Variants in ROBO2 observed in about 807,000 individuals in gnomAD.
ROBO2 encodes roundabout homolog 2.
In ROBO2, 53 loss-of-function variants were observed where a neutral mutation model predicts 160.8. The ratio of observed to expected loss-of-function variants is 0.33; its 90% CI spans 0.26 to 0.41. The LOEUF is 0.41. Among genes scored for constraint, ROBO2 ranks in the 10% least tolerant of loss-of-function variants. ROBO2 has a pLI of 1.00. For synonymous variants in ROBO2, 664 were observed against 611.7 expected (o/e 1.09, Z -1.26); for missense variants, 1,577 against 1,722.4 (o/e 0.92, Z 1.49).
intron 2 of ROBO2, among the ~76,000 whole-genome samples, chr3:77,384,790 G>A (rs6548504): frequency 0.27 from 40,899 of 152,078 alleles, 5,825 homozygotes; most frequent in Non-Finnish European, 0.31. Context: ...TTGTGTTAAT[G>A]AGAATTTAAA....
chr3:77,643,092 G>C (rs1276427525), intron 24 of ROBO2, 149 bp downstream of exon 26: 1 of 374,490 alleles, frequency 2.7e-6, no homozygotes, highest in Non-Finnish European at 5.3e-6. Flanking sequence ...GATTTTACCA[G>C]TACATGCCTT....
At chr3:77,273,331 C>T (rs1192109621) in intron 2 of ROBO2, among the ~76,000 whole-genome samples, 1 of 152,162 alleles carries the variant, frequency 6.6e-6, no homozygotes, top group Non-Finnish European at 1.5e-5. Flanking sequence ...CTAAATGCCA[C>T]ATGTTCTCAC....
chr3:77,288,757 A>T (rs901682392), intron 2 of ROBO2, among the ~76,000 whole-genome samples: 1 of 152,078 alleles, frequency 6.6e-6, no homozygotes, highest in African/African-American at 2.4e-5. Flanking sequence ...TACTGGGGAA[A>T]AAAAAGGAGA....
intron 2 of ROBO2, among the ~76,000 whole-genome samples, chr3:76,036,694 G>A (rs2067120514): frequency 6.6e-6 from 1 of 150,450 alleles, no homozygotes; most frequent in African/African-American, 2.5e-5. Flanking sequence ...AGTAGAGACG[G>A]GATTTCTCCA....
intron 2 of ROBO2, among the ~76,000 whole-genome samples, chr3:77,251,470 C>T (rs1180773019): frequency 6.6e-6 from 1 of 152,122 alleles, no homozygotes; most frequent in African/African-American, 2.4e-5. Flanking sequence ...AACGCCCTAG[C>T]TTGCTTAGAA....
Position 76,213,889 on chromosome 3 carries a change from A to C in ROBO2, c.109+276287A>C, listed in dbSNP as rs189132373. The stretch of plus-strand genomic sequence containing the variant: ...ATTTATCAAGGTGTTCTAGAAAAAT[A>C]GAACCAATAGGATAAATACAGTATA... On this transcript the variant is annotated intron_variant, in intron 2 of 26. Transcript: ENST00000487694. 9.3e-5 allele frequency among the ~76,000 whole-genome samples: 14 copies of C among 151,346 alleles called. No homozygotes were observed. In the East Asian group the frequency reaches 2.5e-3, roughly 27 times the overall value.
intron 2 of ROBO2, among the ~76,000 whole-genome samples, chr3:76,095,775 C>T (rs1378736086): frequency 1.5e-5 from 2 of 132,612 alleles, no homozygotes; most frequent in Non-Finnish European, 3.4e-5. Flanking sequence ...CACACACACA[C>T]ACACACACAC....
intron 2 of ROBO2, among the ~76,000 whole-genome samples, chr3:76,179,670 A>T (rs1337432385): frequency 6.6e-6 from 1 of 152,068 alleles, no homozygotes; most frequent in African/African-American, 2.4e-5. Context: ...AATCAAGGTG[A>T]TACTACAGTC....
At chr3:76,285,395 G>A (rs899907637) in intron 2 of ROBO2, among the ~76,000 whole-genome samples, 1 of 152,000 alleles carries the variant, frequency 6.6e-6, no homozygotes, top group African/African-American at 2.4e-5. Context: ...TTACTTTTAT[G>A]TATGTCTAGG....
intron 2 of ROBO2, among the ~76,000 whole-genome samples, chr3:76,977,436 T>C (rs2059867845): frequency 6.6e-6 from 1 of 152,162 alleles, no homozygotes; most frequent in Non-Finnish European, 1.5e-5. Context: ...TTTTCCATTA[T>C]AGGTACATGG....
At chr3:76,214,046 G>A (rs1474129376) in intron 2 of ROBO2, among the ~76,000 whole-genome samples, 1 of 152,056 alleles carries the variant, frequency 6.6e-6, no homozygotes, top group Non-Finnish European at 1.5e-5. Flanking sequence ...ATAATGTTTT[G>A]CCAGCTATCT....
At chr3:77,508,284 G>A (rs1387765616) in intron 5 of ROBO2, among the ~76,000 whole-genome samples, 3 of 148,010 alleles carry the variant, frequency 2.0e-5, no homozygotes, top group African/African-American at 7.4e-5. Context: ...TATTTATATA[G>A]TATATATATT....
Position 77,323,514 on chromosome 3 carries a change from G to A in ROBO2, c.389-153900G>A, listed in dbSNP as rs59523696. Among the ~76,000 whole-genome samples the A allele has an allele frequency of 9.6e-3, 1,461 of 152,188 alleles. 22 individuals are homozygous for A. The highest frequency in any genetic ancestry group is 0.032 in the African/African-American group (1,346 of 41,506). ...AAAAGAGCTTTTCTGTAGAACATGG[G>A]CTATTTGAGAAAATGTGTATCAAAT... is the stretch of plus-strand genomic sequence containing the variant. On this transcript the variant is annotated intron_variant, in intron 2 of 25. Coordinates refer to ENST00000461745, the Ensembl canonical transcript of ROBO2.
At position 77,034,317 on chromosome 3, in the gene ROBO2, A is replaced by G. The variant is rs370934608; in HGVS notation, c.110-63697A>G. On this transcript the variant is annotated intron_variant, in intron 2 of 26. Coordinates refer to the ROBO2 transcript ENST00000487694. Reference sequence around the variant, plus strand: ...TTACATCTCTAATTTGAGCAAAATTATATTACTTATACTCCTGGCTGGCAT... The same window carrying G: ...TTACATCTCTAATTTGAGCAAAATTGTATTACTTATACTCCTGGCTGGCAT... 3.3e-5 allele frequency among the ~76,000 whole-genome samples: 5 copies of G among 150,916 alleles called. No homozygotes were observed. The East Asian group carries it at 7.8e-4, about 24-fold the overall frequency.
intron 2 of ROBO2, among the ~76,000 whole-genome samples, chr3:76,932,423 A>AACACACACACAC (rs71104640): frequency 8.0e-5 from 12 of 150,550 alleles, no homozygotes; most frequent in Middle Eastern, 3.2e-3. Context: ...TATGTTTAGA[A>AACACACACACAC]ACACACACAC....
At chr3:77,645,023 C>T in intron 25 of ROBO2, 119 bp downstream of exon 27, 3 of 1,028,920 alleles carry the variant, frequency 2.9e-6, no homozygotes, top group Non-Finnish European at 4.4e-6. Flanking sequence ...CAAAAACAAT[C>T]AATTGCAATT....
chr3:77,604,761 A>G (rs531996980), intron 20 of ROBO2, among the ~76,000 whole-genome samples: 1 of 152,248 alleles, frequency 6.6e-6, no homozygotes, highest in East Asian at 1.9e-4. Flanking sequence ...AGATCAAACC[A>G]CCTTGTGGAT....
At chr3:77,514,407 G>T (rs1033977925) in intron 5 of ROBO2, among the ~76,000 whole-genome samples, 2 of 151,904 alleles carry the variant, frequency 1.3e-5, no homozygotes, top group Admixed American at 6.6e-5. Context: ...TTTTGAAACT[G>T]AACACAAAGT....
intron 2 of ROBO2, among the ~76,000 whole-genome samples, chr3:76,431,298 A>G (rs2076427622): frequency 1.3e-5 from 2 of 152,132 alleles, no homozygotes; most frequent in Non-Finnish European, 1.5e-5. Context: ...TATTTTTGCA[A>G]TCTTTTAAAA....
Sources: allele counts gnomAD v4.1 joint callset (sites outside exome capture counted in the v4.1 genomes callset), GRCh38; gene constraint gnomAD v4.1.1; transcripts MANE v1.5; gene names NCBI Gene and HGNC (gene_info 2026-07-23, HGNC 2026-07-21).